Variants in TERT observed in about 807,000 individuals in gnomAD.
TERT encodes telomerase catalytic subunit.
In TERT, 42 loss-of-function variants were observed where a neutral mutation model predicts 104.0. The observed-to-expected ratio is 0.40, with a 90% CI of 0.32 to 0.52. The LOEUF (loss-of-function observed/expected upper bound fraction) is 0.52. Among genes scored for constraint, TERT ranks in the 20% least tolerant of loss-of-function variants. TERT has a pLI of 0.43. For missense variants in TERT, 1,101 were observed against 1,610.3 expected, an observed-to-expected ratio of 0.68 and a Z score of 5.41; for synonymous variants, 781 against 725.6, an observed-to-expected ratio of 1.08 and a Z score of -1.23.
At position 1,274,746 on chromosome 5, in the gene TERT, A is replaced by G. The variant is rs1300070295; in HGVS notation, c.2287-2466T>C. Among the ~76,000 whole-genome samples, 3 of 152,222 alleles carry G rather than the reference A, an allele frequency of 2.0e-5. No homozygotes were observed. The highest frequency in any genetic ancestry group is 7.2e-5 in the African/African-American group (3 of 41,460). On this transcript the variant is annotated intron_variant, in intron 6 of 15. Transcript: ENST00000310581. This position sits in a 1 kb window ranked among gnomAD's most constrained non-coding sequence, Gnocchi z 5.3. ...AGGCCCCAGACCGGTGCCACTCCAC[A>G]GCCAGGGGCCTCGGGATCCCTGCTT...
chr5:1,289,025 G>C (rs1750667897), intron 2 of TERT, among the ~76,000 whole-genome samples: 1 of 152,170 alleles, frequency 6.6e-6, no homozygotes, highest in Non-Finnish European at 1.5e-5. Context: ...TGTGGCTATA[G>C]AAAGAGCAAA....
Position 1,294,855 on chromosome 5 carries a change from C to A in TERT, c.135G>T (p.Ala45=), listed in dbSNP as rs1751292626. ...ACTGGGCCACCAGCGCGCGGAAAGCCGCCGGGTCCCCGCGCTGCACCAGCC... is the reference window on the plus strand; with the variant it reads ...ACTGGGCCACCAGCGCGCGGAAAGCAGCCGGGTCCCCGCGCTGCACCAGCC... ...GWRLVQRGDP[A]AFRALVAQCL... Residue 45 remains alanine, a synonymous_variant, in exon 1 of 16, where the codon GCG becomes GCT. Coordinates refer to ENST00000310581, the MANE Select transcript of TERT (RefSeq NM_198253.3). 1 of 1,456,648 alleles carries A rather than the reference C, an allele frequency of 6.9e-7. No homozygotes were observed. Among genetic ancestry groups the A allele is most frequent in the Non-Finnish European group, 9.0e-7 (1 of 1,112,988 alleles). The allele number at this position is 1,456,648 out of a possible 1,614,324, so 90.2% of individuals were successfully genotyped here. A position where few individuals can be genotyped will look rare whatever the true frequency, so the allele number is the denominator to read the frequency against.
rs768168259 is a variant in TERT at position 1,278,699 on chromosome 5, C to T, written c.2228G>A (p.Arg743Gln). Residue 743 changes from arginine (R) to glutamine (Q), a missense_variant, in exon 6 of 16, where the codon CGG becomes CAG. Arg to Gln is a conservative substitution (Grantham distance 43). Around this residue, in one of 5 missense-constraint regions of TERT, gnomAD observed 463 missense variants for 797.5 expected, o/e 0.58. Coordinates refer to ENST00000310581, the MANE Select transcript of TERT (RefSeq NM_198253.3). ...GGCGGCCTTCTGGACCACGGCATACCGACGCACGCAGTACGTGTTCTGGGG... is the reference window on the plus strand; with the variant it reads ...GGCGGCCTTCTGGACCACGGCATACTGACGCACGCAGTACGTGTTCTGGGG... ...IKPQNTYCVR[R>Q]YAVVQKAAHG... The T allele has an allele frequency of 1.7e-5, 27 of 1,614,056 alleles. No individual in the cohort carries two copies. Among genetic ancestry groups the T allele is most frequent in the Middle Eastern group, 3.3e-4 (2 of 6,084 alleles).
chr5:1,266,375 G>T, intron 10 of TERT, 89 bp downstream of exon 10: 1 of 1,151,926 alleles, frequency 8.7e-7, no homozygotes, highest in Non-Finnish European at 1.3e-6. Context: ...CAGAGACAAC[G>T]CTGCGGTGCC....
rs1421223403 is a variant in TERT at position 1,292,853 on chromosome 5, G to C, written c.1573+460C>G. On this transcript the variant is annotated intron_variant, in intron 2 of 15. Coordinates refer to ENST00000310581, the MANE Select transcript of TERT (RefSeq NM_198253.3). The surrounding 1 kb of genome is among the most constrained non-coding windows in gnomAD (Gnocchi z 5.5). ...AATCTTAAACACAAACCTGCATATTGGCTGACCACGTGCACCTGCAAAACC... is the reference window on the plus strand; with the variant it reads ...AATCTTAAACACAAACCTGCATATTCGCTGACCACGTGCACCTGCAAAACC... 6.6e-6 allele frequency among the ~76,000 whole-genome samples: 1 copy of C among 152,154 alleles called. No individual in the cohort carries two copies. The highest frequency in any genetic ancestry group is 1.5e-5 in the Non-Finnish European group (1 of 68,038).
At chr5:1,293,258 C>A in intron 2 of TERT, 55 bp downstream of exon 2, 2 of 1,604,128 alleles carry the variant, frequency 1.2e-6, no homozygotes, top group Non-Finnish European at 1.7e-6. Flanking sequence ...CTTTTCTGAG[C>A]CCCTACTGCA....
At chr5:1,291,980 G>A (rs941278300) in intron 2 of TERT, among the ~76,000 whole-genome samples, 4 of 152,216 alleles carry the variant, frequency 2.6e-5, no homozygotes, top group Non-Finnish European at 4.4e-5. Flanking sequence ...GCTGCCGTTC[G>A]ATGGGTAGGG....
At chr5:1,283,909 C>T (rs1410306055) in intron 2 of TERT, among the ~76,000 whole-genome samples, 2 of 150,730 alleles carry the variant, frequency 1.3e-5, no homozygotes, top group Admixed American at 1.3e-4. Context: ...GAACTCACCC[C>T]GGACCTGCAG....
At position 1,269,754 on chromosome 5, in the gene TERT, G is replaced by A. The variant is rs1748886825; in HGVS notation, c.2469-1121C>T. On this transcript the variant is annotated intron_variant, in intron 8 of 15. Coordinates refer to ENST00000310581, the MANE Select transcript of TERT (RefSeq NM_198253.3). The surrounding 1 kb of genome is among the most constrained non-coding windows in gnomAD (Gnocchi z 9.0). ...CGGCCAGCCCAGCGAGTCAACGCAA[G>A]CAGATACGCCCCTGTGAGCACATGG... 6.6e-6 allele frequency among the ~76,000 whole-genome samples: 1 copy of A among 152,192 alleles called. No homozygotes were observed. Among genetic ancestry groups the A allele is most frequent in the African/African-American group, 2.4e-5 (1 of 41,432 alleles).
At chr5:1,289,395 G>A (rs1164155715) in intron 2 of TERT, among the ~76,000 whole-genome samples, 135 of 121,258 alleles carry the variant, frequency 1.1e-3, no homozygotes, top group African/African-American at 3.7e-3. Flanking sequence ...CACTCACCCT[G>A]CACGTGACAG....
chr5:1,268,420 G>C lies in TERT; in HGVS notation c.2582+100C>G, dbSNP rs1332940222. The C allele has an allele frequency of 2.1e-6, 2 of 930,558 alleles. No individual in the cohort carries two copies. Among genetic ancestry groups the C allele is most frequent in the Non-Finnish European group, 3.4e-6 (2 of 590,244 alleles). The allele number at this position is 930,558 out of a possible 1,614,324, so 57.6% of individuals were successfully genotyped here. On this transcript the variant is annotated intron_variant, in intron 9 of 15. Transcript: ENST00000310581. The surrounding 1 kb of genome is among the most constrained non-coding windows in gnomAD (Gnocchi z 5.5). Reference sequence around the variant, plus strand: ...CAACCTTGTCTGGTTCCTCAAGACAGAGCAGTCATGGTCTCCAGAGCACCA... The same window carrying C: ...CAACCTTGTCTGGTTCCTCAAGACACAGCAGTCATGGTCTCCAGAGCACCA...
intron 13 of TERT, 57 bp downstream of exon 13, chr5:1,258,541 G>T: frequency 2.7e-6 from 4 of 1,492,286 alleles, no homozygotes; most frequent in South Asian, 1.2e-5. Context: ...GGTCAGAGGT[G>T]AGCAGAGCGC....
Position 1,294,365 on chromosome 5 carries a change from G to A in TERT, c.521C>T (p.Pro174Leu). ...PSCAYQVCGP[P>L]LYQLGAATQA... ...AGTGGCAGCGCCGAGCTGGTACAGC[G>A]GCGGCCCGCACACCTGGTAGGCGCA... Residue 174 changes from proline (P) to leucine (L), a missense_variant, in exon 2 of 16, where the codon CCG becomes CTG. Pro to Leu is a moderately conservative substitution (Grantham distance 98). Transcript: ENST00000310581. The A allele has an allele frequency of 6.3e-7, 1 of 1,575,876 alleles. No individual in the cohort carries two copies.
At chr5:1,275,815 C>A (rs1579570633) in intron 6 of TERT, among the ~76,000 whole-genome samples, 1 of 118,052 alleles carries the variant, frequency 8.5e-6, no homozygotes, top group Non-Finnish European at 1.8e-5. Flanking sequence ...AGATCCCCAC[C>A]TACCCCACAC....
intron 2 of TERT, among the ~76,000 whole-genome samples, chr5:1,284,362 T>C (rs1442195284): frequency 2.3e-5 from 2 of 88,150 alleles, no homozygotes; most frequent in Admixed American, 2.7e-4. Context: ...ACTCCATACC[T>C]CCAGCTCACC....
intron 3 of TERT, among the ~76,000 whole-genome samples, chr5:1,281,916 C>T (rs545524263): frequency 2.0e-5 from 3 of 152,192 alleles, no homozygotes; most frequent in African/African-American, 7.2e-5. Context: ...GGTGAAACCC[C>T]GTCTCTCCTA....
rs1399278398 is a variant in TERT at position 1,287,189 on chromosome 5, A to G, written c.1574-4565T>C. 1.3e-5 allele frequency among the ~76,000 whole-genome samples: 2 copies of G among 152,174 alleles called. No individual in the cohort carries two copies. The highest frequency in any genetic ancestry group is 2.4e-5 in the African/African-American group (1 of 41,428). On this transcript the variant is annotated intron_variant, in intron 2 of 15. Coordinates refer to ENST00000310581, the MANE Select transcript of TERT (RefSeq NM_198253.3). The surrounding 1 kb of genome is among the most constrained non-coding windows in gnomAD (Gnocchi z 4.3). ...CATGCTGTTAACAGGACATACCCAC[A>G]CTATAAGAATATAAAAGTGTTGAAA...
chr5:1,273,379 C>CTGTG (rs1749262790), intron 6 of TERT, among the ~76,000 whole-genome samples: 1 of 27,940 alleles, frequency 3.6e-5, no homozygotes, highest in African/African-American at 2.1e-4. Context: ...CATCAGACCC[C>CTGTG]ACGACCGCCA....
Position 1,286,066 on chromosome 5 carries a change from G to A in TERT, c.1574-3442C>T, listed in dbSNP as rs1215198904. ...CGACACCGCGGAGCCACCAGACCCC[G>A]ACATGCCTGGGGTTTTCCAGGCTGA... On this transcript the variant is annotated intron_variant, in intron 2 of 15. Transcript: ENST00000310581. This position sits in a 1 kb window ranked among gnomAD's most constrained non-coding sequence, Gnocchi z 5.3. 3.3e-5 allele frequency among the ~76,000 whole-genome samples: 5 copies of A among 152,178 alleles called. No individual in the cohort carries two copies. The highest frequency in any genetic ancestry group is 1.9e-4 in the East Asian group (1 of 5,158).
Sources: allele counts gnomAD v4.1 joint callset (sites outside exome capture counted in the v4.1 genomes callset), GRCh38; gene constraint gnomAD v4.1.1; regional missense constraint gnomAD v4.1.1; non-coding constraint Gnocchi (gnomAD v3.1); transcripts MANE v1.5; gene names NCBI Gene and HGNC (gene_info 2026-07-23, HGNC 2026-07-21).